CDK6: variants seen among roughly 807,000 people sequenced by gnomAD.
CDK6 encodes cyclin-dependent kinase 6.
In CDK6, 6 loss-of-function variants were observed where a neutral mutation model predicts 37.1. That is an observed-to-expected ratio of 0.16 (90% CI 0.09 to 0.32). The LOEUF (loss-of-function observed/expected upper bound fraction) is 0.32. Ranked by LOEUF, CDK6 falls within the 10% of genes least tolerant of loss-of-function variation. The pLI, the probability that CDK6 is intolerant of heterozygous loss-of-function variation, is 1.00. For synonymous variants in CDK6, 160 were observed against 161.3 expected (o/e 0.99, Z 0.06); for missense variants, 224 against 418.9 (o/e 0.53, Z 4.06).
rs111884463 is a variant in CDK6 at position 92,830,919 on chromosome 7, T to C, written c.233+2172A>G. ...TGTTCTACAAAAAAGGTCAGGTGAA[T>C]TGACCCCTCCCTGTGAAGCTGCTCC... On this transcript the variant is annotated intron_variant, in intron 2 of 7. Coordinates refer to ENST00000424848, the MANE Select transcript of CDK6 (RefSeq NM_001145306.2). Among the ~76,000 whole-genome samples the C allele has an allele frequency of 4.5e-3, 681 of 152,330 alleles. 3 individuals carry two copies. Among genetic ancestry groups the C allele is most frequent in the African/African-American group, 0.015 (625 of 41,568 alleles).
At chr7:92,811,022 C>T (rs3731278) in intron 2 of CDK6, among the ~76,000 whole-genome samples, 2,629 of 151,662 alleles carry the variant, frequency 0.017, 77 homozygotes, top group African/African-American at 0.059. Context: ...GCCGAGATCG[C>T]GCCCGGTGAC....
intron 2 of CDK6, among the ~76,000 whole-genome samples, chr7:92,784,574 T>C (rs1800075709): frequency 1.3e-5 from 2 of 151,926 alleles, no homozygotes; most frequent in Non-Finnish European, 2.9e-5. Context: ...ATGGACAAAA[T>C]AAGGGCCTAA....
At chr7:92,774,865 C>A (rs1331493561) in intron 2 of CDK6, 34 bp from the exon 3 acceptor site, 2 of 1,590,550 alleles carry the variant, frequency 1.3e-6, no homozygotes, top group Non-Finnish European at 1.7e-6. Context: ...AAGTAGGTGG[C>A]AATAAGCAAA....
chr7:92,685,730 AAGAC>A (rs1480166582), intron 4 of CDK6, among the ~76,000 whole-genome samples: 1 of 152,270 alleles, frequency 6.6e-6, no homozygotes, highest in Non-Finnish European at 1.5e-5. Context: ...TCAAAAGAGA[AAGAC>A]AGCCTAATTT....
At chr7:92,717,068 C>G (rs1263345781) in intron 4 of CDK6, among the ~76,000 whole-genome samples, 1 of 151,976 alleles carries the variant, frequency 6.6e-6, no homozygotes, top group Non-Finnish European at 1.5e-5. Context: ...AAAACAGGCC[C>G]AGGCATGGTA....
intron 3 of CDK6, among the ~76,000 whole-genome samples, chr7:92,739,447 C>T (rs1798867455): frequency 6.6e-6 from 1 of 152,348 alleles, no homozygotes; most frequent in East Asian, 1.9e-4. Flanking sequence ...CCCACCAAAA[C>T]CTGTCCTTCC....
chr7:92,748,843 T>C (rs1359293449), intron 3 of CDK6, among the ~76,000 whole-genome samples: 3 of 152,054 alleles, frequency 2.0e-5, no homozygotes, highest in African/African-American at 7.2e-5. Context: ...TCCACACCTA[T>C]AGAATTAATG....
chr7:92,689,645 T>A (rs1158363503), intron 4 of CDK6, among the ~76,000 whole-genome samples: 1 of 152,236 alleles, frequency 6.6e-6, no homozygotes, highest in Non-Finnish European at 1.5e-5. Flanking sequence ...TTTGGGTATA[T>A]ACCCAGCAAT....
intron 4 of CDK6, among the ~76,000 whole-genome samples, chr7:92,722,064 G>T (rs1416737677): frequency 1.3e-5 from 2 of 152,006 alleles, no homozygotes; most frequent in African/African-American, 4.8e-5. Flanking sequence ...ACTGTTAACT[G>T]CTCCCTCAAA....
chr7:92,715,046 T>C (rs747454484), intron 4 of CDK6, among the ~76,000 whole-genome samples: 1 of 152,166 alleles, frequency 6.6e-6, no homozygotes, highest in African/African-American at 2.4e-5. Flanking sequence ...CAGCGTTACA[T>C]AAGGTGCAGA....
At chr7:92,820,456 G>T (rs1007762749) in intron 2 of CDK6, among the ~76,000 whole-genome samples, 1 of 152,128 alleles carries the variant, frequency 6.6e-6, no homozygotes, top group Admixed American at 6.5e-5. Context: ...AGCCTCTGTT[G>T]CAGTACGGAA....
At chr7:92,672,166 T>TACACACACACACACACAC (rs1434883987) in intron 4 of CDK6, among the ~76,000 whole-genome samples, 4 of 38,724 alleles carry the variant, frequency 1.0e-4, no homozygotes, top group Non-Finnish European at 1.9e-4. Flanking sequence ...TATATACACA[T>TACACACACACACACACAC]ACACACACAC....
chr7:92,781,641 C>T (rs1799994495), intron 2 of CDK6, among the ~76,000 whole-genome samples: 2 of 152,244 alleles, frequency 1.3e-5, no homozygotes, highest in South Asian at 4.1e-4. Context: ...AAACTTTGAC[C>T]CATTCACAGG....
At chr7:92,828,998 C>T (rs1353503338) in intron 2 of CDK6, among the ~76,000 whole-genome samples, 1 of 151,926 alleles carries the variant, frequency 6.6e-6, no homozygotes, top group East Asian at 1.9e-4. Flanking sequence ...TGAAAAAAGC[C>T]CTAGTAAATG....
chr7:92,748,773 C>T (rs1240337583), intron 3 of CDK6, among the ~76,000 whole-genome samples: 2 of 152,152 alleles, frequency 1.3e-5, no homozygotes, highest in Non-Finnish European at 2.9e-5. Flanking sequence ...TGAGGCACTG[C>T]TTCCTGAGGC....
intron 5 of CDK6, among the ~76,000 whole-genome samples, chr7:92,663,181 T>C (rs976270477): frequency 6.6e-6 from 1 of 151,974 alleles, no homozygotes; most frequent in Non-Finnish European, 1.5e-5. Flanking sequence ...GAGTGGTATA[T>C]GATATGTGAT....
In CDK6 at chr7:92,618,056, C is replaced by T. The variant is rs1562911703; in HGVS notation, c.834+16G>A. 2 of 1,613,246 alleles carry T rather than the reference C, an allele frequency of 1.2e-6. No individual in the cohort carries two copies. Among genetic ancestry groups the T allele is most frequent in the Non-Finnish European group, 8.5e-7 (1 of 1,179,498 alleles). Reference sequence around the variant, plus strand: ...ACTGGCACAGTGCAGACGAGCTTGACATCAGAAAAACTTACCAGAAGTAGG... The same window carrying T: ...ACTGGCACAGTGCAGACGAGCTTGATATCAGAAAAACTTACCAGAAGTAGG... On this transcript the variant is annotated intron_variant, in intron 7 of 7. Coordinates refer to ENST00000424848, the MANE Select transcript of CDK6 (RefSeq NM_001145306.2).
rs1326610388 is a variant in CDK6, at chr7:92,771,082, CA to C, written c.369+3613del. 3.3e-5 allele frequency among the ~76,000 whole-genome samples: 5 copies of C among 151,682 alleles called. No individual in the cohort carries two copies. The East Asian group carries it at 9.7e-4, about 29-fold the overall frequency. ...TGAAACCCAGTCTCTACTAAAAATA[CA>C]AAATTAGCCATGCGTGGTGGCCCGT... On this transcript the variant is annotated intron_variant, in intron 3 of 7. Transcript: ENST00000424848.
intron 5 of CDK6, among the ~76,000 whole-genome samples, chr7:92,636,056 G>T (rs1796163025): frequency 6.6e-6 from 1 of 152,030 alleles, no homozygotes. Context: ...TTTTAAATTT[G>T]TTATTATTAT....
Sources: allele counts gnomAD v4.1 joint callset (sites outside exome capture counted in the v4.1 genomes callset), GRCh38; gene constraint gnomAD v4.1.1; transcripts MANE v1.5; gene names NCBI Gene and HGNC (gene_info 2026-07-23, HGNC 2026-07-21).